TBC1D22A: variants seen among roughly 807,000 people sequenced by gnomAD.
TBC1D22A encodes putative GTPase activator.
TBC1D22A carries 38 observed loss-of-function variants against 60.2 expected under a neutral mutation model. The observed-to-expected ratio is 0.63, with a 90% CI of 0.49 to 0.83. The LOEUF (loss-of-function observed/expected upper bound fraction) is 0.83, where lower values mean the gene tolerates loss of function less well. Ranked by LOEUF, TBC1D22A falls within the 40% of genes least tolerant of loss-of-function variation. The pLI is 0.00. For missense variants in TBC1D22A, 628 were observed against 701.0 expected (o/e 0.90, Z 1.18); for synonymous variants, 302 against 281.7 (o/e 1.07, Z -0.72).
At chr22:46,948,469 G>T (rs1274232713) in intron 8 of TBC1D22A, among the ~76,000 whole-genome samples, 1 of 152,188 alleles carries the variant, frequency 6.6e-6, no homozygotes, top group African/African-American at 2.4e-5. Flanking sequence ...TGGGGGTAGA[G>T]TCTCCTCCAC....
At chr22:47,091,203 G>T (rs1184964781) in intron 11 of TBC1D22A, among the ~76,000 whole-genome samples, 2 of 145,714 alleles carry the variant, frequency 1.4e-5, no homozygotes, top group Non-Finnish European at 3.0e-5. Flanking sequence ...GGGGGTGGCT[G>T]CGTGTTGATA....
intron 12 of TBC1D22A, among the ~76,000 whole-genome samples, chr22:47,129,081 C>G (rs2066593956): frequency 6.6e-6 from 1 of 152,220 alleles, no homozygotes; most frequent in Non-Finnish European, 1.5e-5. Context: ...GGTGAAGACT[C>G]TTGGCCCTTC....
rs773528818 is a variant in TBC1D22A, at chr22:46,997,701, G to A, written c.1193G>A (p.Arg398Gln). 8 of 1,613,802 alleles carry A rather than the reference G, an allele frequency of 5.0e-6. No homozygotes were observed. Among genetic ancestry groups the A allele is most frequent in the East Asian group, 4.5e-5 (2 of 44,890 alleles). ...AAAATGTTAGAAGAACTCGTGAGCCGGATTGATGGTAAGCCAGCTTCCCGC... is the reference window on the plus strand; with the variant it reads ...AAAATGTTAGAAGAACTCGTGAGCCAGATTGATGGTAAGCCAGCTTCCCGC... Reference protein sequence around the residue: ...KVKMLEELVSRIDEQVHRHLD... With the variant: ...KVKMLEELVSQIDEQVHRHLD... The change falls in exon 10 of 13, where the codon CGG (arginine) becomes CAG (glutamine). Residue 398 changes from arginine (R) to glutamine (Q), a missense_variant. Coordinates refer to ENST00000337137, the MANE Select transcript of TBC1D22A (RefSeq NM_014346.5).
rs181500630 is a variant in TBC1D22A at position 47,160,576 on chromosome 22, C to G, written c.1426-12922C>G. On this transcript the variant is annotated intron_variant, in intron 12 of 12. Coordinates refer to ENST00000337137, the MANE Select transcript of TBC1D22A (RefSeq NM_014346.5). ...CTGCGCCTCCCCAGCCCCGTCCTCT[C>G]TACCTCACCCCGGACCACATGCTGG... 6.4e-4 allele frequency among the ~76,000 whole-genome samples: 97 copies of G among 152,370 alleles called. 1 individual carries two copies. The East Asian group carries it at 0.017, about 26-fold the overall frequency.
rs1603064839 is a variant in TBC1D22A, at chr22:47,028,612, T to G, written c.1202-8459T>G. Among the ~76,000 whole-genome samples the G allele has an allele frequency of 6.6e-6, 1 of 151,902 alleles. No homozygotes were observed. Among genetic ancestry groups the G allele is most frequent in the East Asian group, 1.9e-4 (1 of 5,166 alleles). The stretch of plus-strand genomic sequence containing the variant: ...AATGAATCTGGTATGACCTCTTCTG[T>G]CTCGCCTGCCTGTGCATACTTAGCT... On this transcript the variant is annotated intron_variant, in intron 10 of 12. Coordinates refer to ENST00000337137, the MANE Select transcript of TBC1D22A (RefSeq NM_014346.5). The surrounding 1 kb of genome is among the most constrained non-coding windows in gnomAD (Gnocchi z 4.4).
intron 9 of TBC1D22A, among the ~76,000 whole-genome samples, chr22:46,989,237 G>A (rs1391709700): frequency 1.3e-5 from 2 of 152,092 alleles, no homozygotes; most frequent in African/African-American, 4.8e-5. Flanking sequence ...CTGAAACTTT[G>A]TCCACATCAG....
intron 11 of TBC1D22A, among the ~76,000 whole-genome samples, chr22:47,084,060 C>G (rs771920460): frequency 1.3e-5 from 2 of 152,176 alleles, no homozygotes; most frequent in Admixed American, 6.5e-5. Context: ...TTGGCTTCAC[C>G]GGGGAGAGTT....
At chr22:46,771,735 T>C (rs924902850) in intron 1 of TBC1D22A, among the ~76,000 whole-genome samples, 2 of 152,028 alleles carry the variant, frequency 1.3e-5, no homozygotes, top group African/African-American at 2.4e-5. Context: ...GCTGGGATTA[T>C]AGGCACATGC....
chr22:46,968,126 A>G (rs944508054), intron 8 of TBC1D22A, among the ~76,000 whole-genome samples: 1 of 152,100 alleles, frequency 6.6e-6, no homozygotes, highest in African/African-American at 2.4e-5. Flanking sequence ...ACTGCGTGGC[A>G]TGGCTGCGGG....
intron 7 of TBC1D22A, among the ~76,000 whole-genome samples, chr22:46,902,028 C>T (rs1217560378): frequency 1.3e-5 from 2 of 152,210 alleles, no homozygotes; most frequent in Admixed American, 6.5e-5. Flanking sequence ...CCCTCGTGTG[C>T]ACTGAACTGC....
At chr22:47,164,312 T>C (rs1655756992) in intron 12 of TBC1D22A, among the ~76,000 whole-genome samples, 2 of 152,248 alleles carry the variant, frequency 1.3e-5, no homozygotes, top group Admixed American at 6.5e-5. Flanking sequence ...ACAAGCCCAG[T>C]GTACTCTCAG....
intron 8 of TBC1D22A, among the ~76,000 whole-genome samples, chr22:46,954,360 G>A (rs2073077874): frequency 6.6e-6 from 1 of 152,252 alleles, no homozygotes; most frequent in Admixed American, 6.5e-5. Flanking sequence ...GTCAACACTG[G>A]GAAGTGTTTC....
intron 7 of TBC1D22A, among the ~76,000 whole-genome samples, chr22:46,904,153 A>ATCTATCTATCTATCTG (rs1479581463): frequency 2.7e-4 from 27 of 100,250 alleles, no homozygotes; most frequent in African/African-American, 9.7e-4. Context: ...CTACCTACCT[A>ATCTATCTATCTATCTG]CCTACCTACC....
intron 4 of TBC1D22A, among the ~76,000 whole-genome samples, chr22:46,853,957 C>A (rs1008673808): frequency 6.6e-6 from 1 of 152,204 alleles, no homozygotes; most frequent in African/African-American, 2.4e-5. Flanking sequence ...ATGGACACTT[C>A]GTGAAAAATT....
At chr22:47,061,885 C>T (rs142628059) in intron 11 of TBC1D22A, among the ~76,000 whole-genome samples, 4 of 152,114 alleles carry the variant, frequency 2.6e-5, no homozygotes, top group East Asian at 1.9e-4. Context: ...GTCCAGAGTT[C>T]GAGACCAGCC....
chr22:46,824,876 T>C (rs2085982131), intron 4 of TBC1D22A, among the ~76,000 whole-genome samples: 1 of 151,956 alleles, frequency 6.6e-6, no homozygotes, highest in African/African-American at 2.4e-5. Flanking sequence ...GCTTGGGACA[T>C]GTAAAGCCTG....
chr22:47,025,281 A>G (rs1468780352), intron 10 of TBC1D22A, among the ~76,000 whole-genome samples: 1 of 152,252 alleles, frequency 6.6e-6, no homozygotes, highest in Non-Finnish European at 1.5e-5. Context: ...AGAAAATTCC[A>G]AGAGTGCACA....
intron 4 of TBC1D22A, among the ~76,000 whole-genome samples, chr22:46,809,001 T>C (rs1425428579): frequency 1.3e-5 from 2 of 152,242 alleles, no homozygotes; most frequent in Non-Finnish European, 2.9e-5. Context: ...TTGCTTAAAA[T>C]CCTAATGTAG....
At position 46,885,688 on chromosome 22, in the gene TBC1D22A, C is replaced by T. The variant is rs145587908; in HGVS notation, c.709-5578C>T. 3.4e-4 allele frequency among the ~76,000 whole-genome samples: 51 copies of T among 152,168 alleles called. No homozygotes were observed. The East Asian group carries it at 9.3e-3, about 28-fold the overall frequency. On this transcript the variant is annotated intron_variant, in intron 5 of 12. Coordinates refer to ENST00000337137, the MANE Select transcript of TBC1D22A (RefSeq NM_014346.5). The stretch of plus-strand genomic sequence containing the variant: ...CACTCAGGTCTGGCTGTCACTGCCC[C>T]CCCTTGTAATTTTATGCCTTCCCAT...
Sources: gnomAD v4.1 joint callset for allele counts (sites outside exome capture counted in the v4.1 genomes callset) on GRCh38, gnomAD v4.1.1 for gene constraint, Gnocchi (gnomAD v3.1) non-coding constraint, MANE v1.5 for transcripts, NCBI Gene and HGNC (gene_info 2026-07-23, HGNC 2026-07-21) for gene names.